Variants in MMP26 observed in about 807,000 individuals in gnomAD.
MMP26 encodes the protein matrix metalloproteinase-26.
In MMP26, 33 loss-of-function variants were observed where a neutral mutation model predicts 31.0. The ratio of observed to expected loss-of-function variants is 1.06; its 90% CI spans 0.81 to 1.42. The LOEUF (loss-of-function observed/expected upper bound fraction) is 1.42, where lower values mean the gene tolerates loss of function less well. MMP26 is among the 40% of genes most tolerant of loss of function. MMP26 has a pLI of 0.00. For synonymous variants in MMP26, 122 were observed against 114.9 expected (o/e 1.06, Z -0.40); for missense variants, 347 against 316.1 (o/e 1.10, Z -0.74).
At chr11:4,731,873 G>A (rs1045569668) in intron 1 of MMP26, among the ~76,000 whole-genome samples, 5 of 152,116 alleles carry the variant, frequency 3.3e-5, no homozygotes, top group Non-Finnish European at 7.4e-5. Flanking sequence ...TCTGTATTGT[G>A]GGGAAAGGAT....
At chr11:4,731,354 T>G (rs1471046677) in intron 1 of MMP26, among the ~76,000 whole-genome samples, 2 of 152,238 alleles carry the variant, frequency 1.3e-5, no homozygotes, top group Non-Finnish European at 2.9e-5. Flanking sequence ...CACTGAATTT[T>G]TCTTGAATGC....
chr11:4,799,930 T>C (rs1215942511), intron 2 of MMP26, among the ~76,000 whole-genome samples: 1 of 152,222 alleles, frequency 6.6e-6, no homozygotes, highest in Middle Eastern at 3.2e-3. Context: ...GTGCAACAAG[T>C]GTGCTCCTTG....
chr11:4,848,271 C>T (rs200546421), intron 2 of MMP26: 13 of 1,612,804 alleles, frequency 8.1e-6, no homozygotes, highest in African/African-American at 1.3e-5. Flanking sequence ...GGGCTGCAAC[C>T]TGTTGAGTAT....
At chr11:4,855,781 A>G (rs928704030) in intron 2 of MMP26, among the ~76,000 whole-genome samples, 1 of 152,212 alleles carries the variant, frequency 6.6e-6, no homozygotes, top group Non-Finnish European at 1.5e-5. Flanking sequence ...CAGATTCACC[A>G]AAGTTGAAAT....
chr11:4,778,418 A>G (rs1053679775), intron 2 of MMP26, among the ~76,000 whole-genome samples: 3 of 152,052 alleles, frequency 2.0e-5, no homozygotes, highest in African/African-American at 7.2e-5. Context: ...GCATTGTGAT[A>G]TCACTTTTGG....
At chr11:4,782,146 G>A (rs1025416600) in intron 2 of MMP26, among the ~76,000 whole-genome samples, 6 of 152,326 alleles carry the variant, frequency 3.9e-5, no homozygotes, top group African/African-American at 1.4e-4. Flanking sequence ...CTGGGTAACA[G>A]GCAGAGGTTC....
At position 4,738,308 on chromosome 11, in the gene MMP26, A is replaced by G. The variant is rs544909599; in HGVS notation, c.-216-28962A>G. Among the ~76,000 whole-genome samples the G allele has an allele frequency of 1.4e-4, 21 of 152,302 alleles. No individual in the cohort carries two copies. In the South Asian group the frequency reaches 3.7e-3, roughly 27 times the overall value. On this transcript the variant is annotated intron_variant, in intron 1 of 7. Coordinates refer to ENST00000380390, the MANE Select transcript of MMP26 (RefSeq NM_021801.5). ...AGGAGAGCCGGGCAGTTTTGTGCAG[A>G]TGTGGGCATTAGAGGCTAGCCTGAG...
intron 1 of MMP26, among the ~76,000 whole-genome samples, chr11:4,743,991 T>A (rs1256151610): frequency 6.6e-6 from 1 of 151,970 alleles, no homozygotes; most frequent in Non-Finnish European, 1.5e-5. Flanking sequence ...GTATTTTTTT[T>A]AGAGATAATG....
At chr11:4,948,766 G>A (rs1846344401) in intron 2 of MMP26, among the ~76,000 whole-genome samples, 1 of 124,388 alleles carries the variant, frequency 8.0e-6, no homozygotes, top group African/African-American at 2.7e-5. Context: ...ATATAAGAAT[G>A]TATTACCATA....
At chr11:4,796,205 T>A (rs1485027284) in intron 2 of MMP26, among the ~76,000 whole-genome samples, 1 of 152,232 alleles carries the variant, frequency 6.6e-6, no homozygotes, top group Non-Finnish European at 1.5e-5. Flanking sequence ...GGTTCTCTTA[T>A]GGCTCATTGT....
chr11:4,787,626 C>G (rs1053835167), intron 2 of MMP26: 5 of 152,186 alleles, frequency 3.3e-5, no homozygotes, highest in Admixed American at 2.0e-4. Flanking sequence ...CGGCTGAACC[C>G]CATCATATAT....
rs948366408 is a variant in MMP26, at chr11:4,713,667, T to C, written c.-217+8622T>C. 2.0e-5 allele frequency among the ~76,000 whole-genome samples: 3 copies of C among 152,028 alleles called. No homozygotes were observed. In the East Asian group the frequency reaches 5.8e-4, roughly 29 times the overall value. On this transcript the variant is annotated intron_variant, in intron 1 of 7. Coordinates refer to ENST00000380390, the MANE Select transcript of MMP26 (RefSeq NM_021801.5). The stretch of plus-strand genomic sequence containing the variant: ...TCCATGAAAGAATAAATGAAGATTT[T>C]TGGGGGGCATAGAGTGAAGCACAAG...
chr11:4,762,903 C>CT (rs1245800026), intron 1 of MMP26, among the ~76,000 whole-genome samples: 1 of 152,062 alleles, frequency 6.6e-6, no homozygotes, highest in African/African-American at 2.4e-5. Context: ...ATATCAGTTT[C>CT]TTTTTCAGCA....
intron 2 of MMP26, among the ~76,000 whole-genome samples, chr11:4,805,958 C>T (rs1001241775): frequency 6.6e-6 from 1 of 152,060 alleles, no homozygotes; most frequent in Admixed American, 6.6e-5. Flanking sequence ...TTCTTACCAC[C>T]TTCAAAAGAG....
At chr11:4,917,395 T>A (rs903277445) in intron 2 of MMP26, among the ~76,000 whole-genome samples, 2 of 152,226 alleles carry the variant, frequency 1.3e-5, no homozygotes, top group African/African-American at 4.8e-5. Flanking sequence ...TTACTCTTTC[T>A]TGCCATATAG....
At chr11:4,797,600 G>A (rs1315849623) in intron 2 of MMP26, among the ~76,000 whole-genome samples, 1 of 152,134 alleles carries the variant, frequency 6.6e-6, no homozygotes, top group Admixed American at 6.5e-5. Context: ...CAGTGAGAAG[G>A]TATCCTTTCC....
Position 4,720,841 on chromosome 11 carries a change from T to G in MMP26, c.-217+15796T>G, listed in dbSNP as rs1589883052. Among the ~76,000 whole-genome samples the G allele has an allele frequency of 2.0e-5, 3 of 152,268 alleles. No homozygotes were observed. In the South Asian group the frequency reaches 6.2e-4, roughly 32 times the overall value. On this transcript the variant is annotated intron_variant, in intron 1 of 7. Transcript: ENST00000380390. ...GCCTCAGGAACACCACAGAAAGACC[T>G]CTCGTGGAGTTGAGACTTAGGTCCC... is the stretch of plus-strand genomic sequence containing the variant.
intron 2 of MMP26, among the ~76,000 whole-genome samples, chr11:4,770,312 T>G (rs1022248904): frequency 1.3e-5 from 2 of 152,198 alleles, no homozygotes; most frequent in African/African-American, 4.8e-5. Flanking sequence ...TAATAGCCAC[T>G]TAAAAATATC....
Position 4,871,369 on chromosome 11 carries a change from T to G in MMP26, c.-145+104028T>G, listed in dbSNP as rs139719159. 9.3e-3 allele frequency among the ~76,000 whole-genome samples: 1,420 copies of G among 152,242 alleles called. 27 individuals carry two copies. Among genetic ancestry groups the G allele is most frequent in the African/African-American group, 0.032 (1,318 of 41,550 alleles). ...GGCGTGTGAAACAAGGGTAAATTTT[T>G]CTTTCAGCTTTTTCTTTTTAGACAG... On this transcript the variant is annotated intron_variant, in intron 2 of 7. Transcript: ENST00000380390.
Sources: allele counts gnomAD v4.1 joint callset (sites outside exome capture counted in the v4.1 genomes callset), GRCh38; gene constraint gnomAD v4.1.1; transcripts MANE v1.5; gene names NCBI Gene and HGNC (gene_info 2026-07-23, HGNC 2026-07-21).